Variants in PCDHGB4 observed in about 807,000 individuals in gnomAD.
The protein encoded by PCDHGB4 is protocadherin gamma subfamily B, 4, also known as protocadherin gamma-B4.
A neutral mutation model predicts 60.5 loss-of-function variants in PCDHGB4; 38 were observed. The observed-to-expected ratio is 0.63, with a 90% CI of 0.48 to 0.82. PCDHGB4 has a LOEUF of 0.82. Ranked by LOEUF, PCDHGB4 falls within the 40% of genes least tolerant of loss-of-function variation. The pLI is 0.00. For synonymous variants in PCDHGB4, 456 were observed against 509.7 expected, an observed-to-expected ratio of 0.89 and a Z score of 1.42; for missense variants, 1,109 against 1,209.6, an observed-to-expected ratio of 0.92 and a Z score of 1.23.
chr5:141,457,574 T>C (rs992522039), intron 1 of PCDHGB4, among the ~76,000 whole-genome samples: 2 of 152,238 alleles, frequency 1.3e-5, no homozygotes, highest in Non-Finnish European at 2.9e-5. Context: ...AAAATTTTTC[T>C]CTCCAGTCCT....
intron 1 of PCDHGB4, among the ~76,000 whole-genome samples, chr5:141,452,114 A>C (rs1443131264): frequency 1.3e-5 from 2 of 152,098 alleles, no homozygotes; most frequent in Admixed American, 1.3e-4. Flanking sequence ...TTCTCTTCTT[A>C]TTTATTCATA....
rs2099750571 is a variant in PCDHGB4, at chr5:141,493,878, T to A, written c.2398-929T>A. On this transcript the variant is annotated intron_variant, in intron 1 of 3. Coordinates refer to ENST00000519479, the MANE Select transcript of PCDHGB4 (RefSeq NM_003736.4). This position sits in a 1 kb window ranked among gnomAD's most constrained non-coding sequence, Gnocchi z 4.3. ...GCCCACCCCAGAACCAGTGAGGAGG[T>A]GGCTCTAGGAGTGCTCCATGAGAGT... is the stretch of plus-strand genomic sequence containing the variant. 6.6e-6 allele frequency among the ~76,000 whole-genome samples: 1 copy of A among 152,072 alleles called. No homozygotes were observed. The highest frequency in any genetic ancestry group is 6.6e-5 in the Admixed American group (1 of 15,264).
At position 141,480,425 on chromosome 5, in the gene PCDHGB4, AT is replaced by A. The variant is rs553131122; in HGVS notation, c.2398-14380del. On this transcript the variant is annotated intron_variant, in intron 1 of 3. Transcript: ENST00000519479. ...GTGAGACCCTGTCTCAAAAAAAAAA[AT>A]TATCAGCTATTACTATAATTATTTT... 2.3e-4 allele frequency among the ~76,000 whole-genome samples: 34 copies of A among 149,340 alleles called. 1 individual carries two copies. In the South Asian group the frequency reaches 6.0e-3, roughly 26 times the overall value.
rs1368632691 is a variant in PCDHGB4 at position 141,485,071 on chromosome 5, C to A, written c.2398-9736C>A. ...GCCGGCCGAACCGCGCCAGAGCTGG[C>A]GCGGGGAAAGGGAGATAGGTGTCTC... On this transcript the variant is annotated intron_variant, in intron 1 of 3. Coordinates refer to ENST00000519479, the MANE Select transcript of PCDHGB4 (RefSeq NM_003736.4). This position sits in a 1 kb window ranked among gnomAD's most constrained non-coding sequence, Gnocchi z 5.7. 3.3e-6 allele frequency: 3 copies of A among 913,030 alleles called. No individual in the cohort carries two copies. Among genetic ancestry groups the A allele is most frequent in the Non-Finnish European group, 5.1e-6 (3 of 584,604 alleles). 56.6% of individuals were successfully genotyped at this position (913,030 alleles called of 1,614,324 possible).
chr5:141,425,530 A>G (rs1485711838), intron 1 of PCDHGB4, among the ~76,000 whole-genome samples: 1 of 152,246 alleles, frequency 6.6e-6, no homozygotes, highest in Non-Finnish European at 1.5e-5. Flanking sequence ...ACATGAAACA[A>G]TAATCCTTTT....
rs370032689 is a variant in PCDHGB4 at position 141,415,343 on chromosome 5, G to A, written c.2397+25062G>A. 84 of 1,614,112 alleles carry A rather than the reference G, an allele frequency of 5.2e-5. No homozygotes were observed. The African/African-American group carries it at 1.0e-3, about 20-fold the overall frequency. On this transcript the variant is annotated intron_variant, in intron 1 of 3. Transcript: ENST00000519479. The stretch of plus-strand genomic sequence containing the variant: ...CTGCTGGCGCACAGGCTGCGGCGCT[G>A]GCACAAGTCACGCCTGCTGCAGGCT...
chr5:141,450,015 T>A (rs911475310), intron 1 of PCDHGB4, among the ~76,000 whole-genome samples: 12 of 149,806 alleles, frequency 8.0e-5, no homozygotes, highest in Non-Finnish European at 1.6e-4. Flanking sequence ...TCTTTTTTTT[T>A]TTTTTTTTTG....
Position 141,389,471 on chromosome 5 carries a change from A to G in PCDHGB4, c.1587A>G (p.Thr529=). The change falls in exon 1 of 4, where the codon ACA becomes ACG. Residue 529 remains threonine, a synonymous_variant. Coordinates refer to ENST00000519479, the MANE Select transcript of PCDHGB4 (RefSeq NM_003736.4). ...AGCAGCTGCGCGCCTTCGAACTCAC[A>G]CTGCAGGCCCGCGACCAGGGCTCGC... ...DHEQLRAFEL[T]LQARDQGSPA... is the part of the protein sequence containing the mutation. 6.2e-7 allele frequency: 1 copy of G among 1,613,210 alleles called. No individual in the cohort carries two copies. The highest frequency in any genetic ancestry group is 8.5e-7 in the Non-Finnish European group (1 of 1,179,832).
At chr5:141,410,370 C>T (rs780808768) in intron 1 of PCDHGB4, 2 of 1,614,060 alleles carry the variant, frequency 1.2e-6, no homozygotes, top group South Asian at 2.2e-5. Flanking sequence ...AGCCCTGCTA[C>T]TTGGGACTGC....
intron 1 of PCDHGB4, among the ~76,000 whole-genome samples, chr5:141,479,909 A>G (rs2099509651): frequency 6.6e-6 from 1 of 152,160 alleles, no homozygotes; most frequent in South Asian, 2.1e-4. Context: ...AAACACTGTT[A>G]TTTTGTTACT....
intron 1 of PCDHGB4, among the ~76,000 whole-genome samples, chr5:141,481,950 T>C (rs1378337886): frequency 2.7e-5 from 4 of 146,216 alleles, no homozygotes; most frequent in Admixed American, 1.4e-4. Flanking sequence ...CCAGATGTGG[T>C]GGCAGGTGCC....
intron 1 of PCDHGB4, among the ~76,000 whole-genome samples, chr5:141,465,888 C>T (rs1031908926): frequency 5.3e-5 from 8 of 151,942 alleles, no homozygotes; most frequent in South Asian, 2.1e-4. Context: ...TTTGGGAGGC[C>T]GAGGCGGGCA....
At chr5:141,441,325 T>C (rs961263461) in intron 1 of PCDHGB4, 1 of 152,192 alleles carries the variant, frequency 6.6e-6, no homozygotes, top group African/African-American at 2.4e-5. Flanking sequence ...AGAAAAATCT[T>C]CCTCCAATAA....
At chr5:141,498,105 G>A (rs150297456) in intron 2 of PCDHGB4, among the ~76,000 whole-genome samples, 4 of 152,206 alleles carry the variant, frequency 2.6e-5, no homozygotes, top group African/African-American at 9.7e-5. Flanking sequence ...TGGTGTGGGC[G>A]TATAATAGGG....
Position 141,476,543 on chromosome 5 carries a change from G to A in PCDHGB4, c.2398-18264G>A, listed in dbSNP as rs1419273574. 1 of 1,614,220 alleles carries A rather than the reference G, an allele frequency of 6.2e-7. No individual in the cohort carries two copies. Among genetic ancestry groups the A allele is most frequent in the South Asian group, 1.1e-5 (1 of 91,084 alleles). On this transcript the variant is annotated intron_variant, in intron 1 of 3. Transcript: ENST00000519479. The surrounding 1 kb of genome is among the most constrained non-coding windows in gnomAD (Gnocchi z 7.6). ...TTTCCCTACCCAGGAAATGAAATTG[G>A]AGATTAGCGAGGCCGTGGCTCCGGG...
Position 141,408,181 on chromosome 5 carries a change from C to G in PCDHGB4, c.2397+17900C>G, listed in dbSNP as rs1304952667. ...TTTCTCCAACTGGAAAAGCGGGGAC[C>G]CAGCGAGAACCCGAGCGAACGATGG... On this transcript the variant is annotated intron_variant, in intron 1 of 3. Coordinates refer to ENST00000519479, the MANE Select transcript of PCDHGB4 (RefSeq NM_003736.4). The G allele has an allele frequency of 1.6e-5, 24 of 1,536,932 alleles. No individual in the cohort carries two copies. In the East Asian group the frequency reaches 5.6e-4, roughly 36 times the overall value.
chr5:141,409,082 T>C (rs1332697516), intron 1 of PCDHGB4: 6 of 1,613,878 alleles, frequency 3.7e-6, no homozygotes, highest in African/African-American at 1.3e-5. Context: ...TATGTTCTCA[T>C]TGGATGAGAA....
chr5:141,435,558 T>C (rs1401876733), intron 1 of PCDHGB4, among the ~76,000 whole-genome samples: 1 of 152,136 alleles, frequency 6.6e-6, no homozygotes, highest in Non-Finnish European at 1.5e-5. Flanking sequence ...TTTTGAGTGC[T>C]TTTTTTAGTA....
chr5:141,427,320 G>A (rs920149276), intron 1 of PCDHGB4: 5 of 456,968 alleles, frequency 1.1e-5, no homozygotes, highest in Non-Finnish European at 1.8e-5. Context: ...CCCAGACGTG[G>A]TTTTTACTTC....
Sources: allele counts gnomAD v4.1 joint callset (sites outside exome capture counted in the v4.1 genomes callset), GRCh38; gene constraint gnomAD v4.1.1; non-coding constraint Gnocchi (gnomAD v3.1); transcripts MANE v1.5; gene names NCBI Gene and HGNC (gene_info 2026-07-23, HGNC 2026-07-21).